The following BICD2 variants were observed in gnomAD, a reference collection of about 807,000 sequenced individuals.
The protein encoded by BICD2 is BICD cargo adaptor 2.
Under a neutral mutation model 72.9 loss-of-function variants are expected in BICD2, and 25 were observed. The observed-to-expected ratio is 0.34, with a 90% CI of 0.25 to 0.48. The LOEUF (loss-of-function observed/expected upper bound fraction) is 0.48, where lower values mean the gene tolerates loss of function less well. BICD2 is among the 20% of genes least tolerant of loss of function. BICD2 has a pLI of 0.99. For synonymous variants in BICD2, 501 were observed against 516.1 expected, an observed-to-expected ratio of 0.97 and a Z score of 0.40; for missense variants, 894 against 1,175.2, an observed-to-expected ratio of 0.76 and a Z score of 3.50.
rs1853200487 is a variant in BICD2 at position 92,711,822 on chromosome 9, T to TCA, written c.*3331_*3332insTG. 6.6e-6 allele frequency: 1 copy of TCA among 152,482 alleles called. No individual in the cohort carries two copies. The highest frequency in any genetic ancestry group is 2.1e-4 in the South Asian group (1 of 4,824). 9.4% of individuals were successfully genotyped at this position (152,482 alleles called of 1,614,324 possible). ...GCTTATTCCAGGAAACAGAATTCTTTTATTTTTGTCATTTATATTATTATA... is the reference window on the plus strand; with the variant it reads ...GCTTATTCCAGGAAACAGAATTCTTTCATATTTTTGTCATTTATATTATTATA... On this transcript the variant is annotated 3_prime_UTR_variant, in exon 7 of 7. Coordinates refer to ENST00000356884, the MANE Select transcript of BICD2 (RefSeq NM_001003800.2).
Position 92,713,546 on chromosome 9 carries a change from G to C in BICD2, c.*1608C>G. On this transcript the variant is annotated 3_prime_UTR_variant, in exon 7 of 7. Coordinates refer to ENST00000356884, the MANE Select transcript of BICD2 (RefSeq NM_001003800.2). ...GACAATTGAAGCTCTCCACGTGCTG[G>C]GAGGGCGCGAGCACGTTAGTTGGCA... The C allele has an allele frequency of 6.4e-7, 1 of 1,552,180 alleles. No homozygotes were observed.
rs897077465 is a variant in BICD2 at position 92,718,828 on chromosome 9, C to T, written c.1817G>A (p.Ser606Asn). ...TGGCAGTGAGGAGCCAGGCGAGGGG[C>T]TGCTGTCCCCCGTCCCACCATCTGC... ...GRADGGTGDS[S>N]PSPGSSLPSP... Residue 606 changes from serine (S) to asparagine (N), a missense_variant, in exon 5 of 7, where the codon AGC (serine) becomes AAC (asparagine). Ser to Asn is a conservative substitution (Grantham distance 46). This residue lies in a region of BICD2 where 321 missense variants were observed against 443.9 expected (regional missense o/e 0.72). Coordinates refer to ENST00000356884, the MANE Select transcript of BICD2 (RefSeq NM_001003800.2). The T allele has an allele frequency of 1.2e-6, 2 of 1,611,212 alleles. No homozygotes were observed. The highest frequency in any genetic ancestry group is 1.7e-6 in the Non-Finnish European group (2 of 1,179,200).
chr9:92,763,346 G>C (rs766596830), intron 1 of BICD2, among the ~76,000 whole-genome samples: 3 of 152,152 alleles, frequency 2.0e-5, no homozygotes, highest in Non-Finnish European at 4.4e-5. Flanking sequence ...AGAGCCAAGG[G>C]CTCACCAGGA....
intron 1 of BICD2, among the ~76,000 whole-genome samples, chr9:92,758,696 CA>C (rs896670027): frequency 1.1e-4 from 17 of 150,372 alleles, no homozygotes; most frequent in Admixed American, 4.0e-4. Context: ...ACTAAAAATA[CA>C]AAAAAAATTA....
chr9:92,751,029 G>A (rs1854135869), intron 1 of BICD2, among the ~76,000 whole-genome samples: 1 of 152,036 alleles, frequency 6.6e-6, no homozygotes, highest in Admixed American at 6.6e-5. Context: ...TCCTGCCTCA[G>A]CCTCCCAAGA....
chr9:92,755,759 G>C (rs1020372117), intron 1 of BICD2, among the ~76,000 whole-genome samples: 1 of 152,228 alleles, frequency 6.6e-6, no homozygotes, highest in Non-Finnish European at 1.5e-5. Context: ...GGTACTGAGG[G>C]AACATGGGTG....
In BICD2 at chr9:92,751,146, G is replaced by T. The variant is rs868814170; in HGVS notation, c.240+13359C>A. ...GGGTGGTTGGTTTTTTGTTGTTGTT[G>T]TTGTTGTTGTTGTTGTTGTTTTGAG... On this transcript the variant is annotated intron_variant, in intron 1 of 6. Coordinates refer to ENST00000356884, the MANE Select transcript of BICD2 (RefSeq NM_001003800.2). 2.6e-3 allele frequency among the ~76,000 whole-genome samples: 334 copies of T among 128,020 alleles called. 6 individuals are homozygous for T. Among genetic ancestry groups the T allele is most frequent in the South Asian group, 0.017 (62 of 3,632 alleles). The allele number at this position is 128,020 out of a possible 152,430, so 84.0% of individuals were successfully genotyped here. A position where few individuals can be genotyped will look rare whatever the true frequency, so the allele number is the denominator to read the frequency against.
chr9:92,752,186 GCA>G (rs1487886577), intron 1 of BICD2, among the ~76,000 whole-genome samples: 1 of 152,126 alleles, frequency 6.6e-6, no homozygotes. Flanking sequence ...ATAGCAATGA[GCA>G]CACATAGCAA....
chr9:92,727,589 C>A (rs1226190913), intron 2 of BICD2, among the ~76,000 whole-genome samples: 1 of 152,220 alleles, frequency 6.6e-6, no homozygotes, highest in Non-Finnish European at 1.5e-5. Flanking sequence ...AGGCCACGGC[C>A]AGGAGGACTG....
At chr9:92,759,238 CCT>C (rs1333004148) in intron 1 of BICD2, among the ~76,000 whole-genome samples, 1 of 152,116 alleles carries the variant, frequency 6.6e-6, no homozygotes, top group South Asian at 2.1e-4. Context: ...AAGCCTTTCC[CCT>C]GTGTTTGATG....
intron 1 of BICD2, among the ~76,000 whole-genome samples, chr9:92,761,484 T>A (rs1854371631): frequency 6.6e-6 from 1 of 152,176 alleles, no homozygotes; most frequent in Admixed American, 6.5e-5. Flanking sequence ...AGTGAGGGTG[T>A]CCAGACCTCC....
chr9:92,764,428 G>A lies in BICD2; in HGVS notation c.240+77C>T. On this transcript the variant is annotated intron_variant, in intron 1 of 6. Transcript: ENST00000356884. The surrounding 1 kb of genome is among the most constrained non-coding windows in gnomAD (Gnocchi z 5.5). ...GCCCCCGCTTGGCAAGCTGACCTTG[G>A]CCGCCCTGGTGCCAGGGACGACGCC... 2.9e-6 allele frequency: 4 copies of A among 1,391,220 alleles called. No homozygotes were observed. Among genetic ancestry groups the A allele is most frequent in the Non-Finnish European group, 3.7e-6 (4 of 1,074,084 alleles). The allele number at this position is 1,391,220 out of a possible 1,614,324, so 86.2% of individuals were successfully genotyped here.
chr9:92,728,010 C>T (rs369352153), intron 2 of BICD2, among the ~76,000 whole-genome samples: 2 of 152,330 alleles, frequency 1.3e-5, no homozygotes, highest in East Asian at 3.9e-4. Context: ...AAAATATGTG[C>T]CAGTCAGTGA....
At chr9:92,724,150 T>A (rs1455761461) in intron 2 of BICD2, among the ~76,000 whole-genome samples, 2 of 152,230 alleles carry the variant, frequency 1.3e-5, no homozygotes, top group Non-Finnish European at 2.9e-5. Flanking sequence ...AAAGCCCTCT[T>A]GGACTCTCGG....
chr9:92,718,840 GT>G lies in BICD2; in HGVS notation c.1804del (p.Thr602ArgfsTer16), dbSNP rs750374167. 5 of 1,608,886 alleles carry G rather than the reference GT, an allele frequency of 3.1e-6. No individual in the cohort carries two copies. In the South Asian group the frequency reaches 5.5e-5, roughly 18 times the overall value. ...GCCAGGCGAGGGGCTGCTGTCCCCC[GT>G]CCCACCATCTGCTCGGCCCGCCTCA... ...APEAGRADGG[T>X]GDSSPSPGSS... On this transcript the variant is annotated frameshift_variant, in exon 5 of 7. Transcript: ENST00000356884. LOFTEE classifies it high-confidence loss of function.
At chr9:92,743,781 A>C (rs892204123) in intron 1 of BICD2, among the ~76,000 whole-genome samples, 1 of 152,144 alleles carries the variant, frequency 6.6e-6, no homozygotes, top group Non-Finnish European at 1.5e-5. Context: ...TGAATATATA[A>C]AGATCTCCTA....
intron 1 of BICD2, among the ~76,000 whole-genome samples, chr9:92,729,673 G>A (rs1853641171): frequency 1.3e-5 from 2 of 152,222 alleles, no homozygotes; most frequent in African/African-American, 2.4e-5. Context: ...GCCTGATGCT[G>A]GCTCATCCTT....
intron 1 of BICD2, among the ~76,000 whole-genome samples, chr9:92,748,405 A>G (rs1343570977): frequency 6.6e-6 from 1 of 152,124 alleles, no homozygotes; most frequent in African/African-American, 2.4e-5. Flanking sequence ...GGAAGTGTAA[A>G]CACTCCTGAG....
chr9:92,741,516 C>T (rs951832544), intron 1 of BICD2, among the ~76,000 whole-genome samples: 1 of 152,226 alleles, frequency 6.6e-6, no homozygotes, highest in African/African-American at 2.4e-5. Flanking sequence ...TGCTAAGATG[C>T]TTTCACCATA....
Sources: allele counts gnomAD v4.1 joint callset (sites outside exome capture counted in the v4.1 genomes callset), GRCh38; gene constraint gnomAD v4.1.1; regional missense constraint gnomAD v4.1.1; non-coding constraint Gnocchi (gnomAD v3.1); transcripts MANE v1.5; gene names NCBI Gene and HGNC (gene_info 2026-07-23, HGNC 2026-07-21).